PI4KA: variants seen among roughly 807,000 people sequenced by gnomAD.
PI4KA encodes PI4-kinase alpha.
A neutral mutation model predicts 271.4 loss-of-function variants in PI4KA; 122 were observed. The observed-to-expected ratio is 0.45, with a 90% CI of 0.39 to 0.52. The LOEUF is 0.52. Ranked by LOEUF, PI4KA falls within the 20% of genes least tolerant of loss-of-function variation. The pLI, the probability that PI4KA is intolerant of heterozygous loss-of-function variation, is 0.00. For missense variants in PI4KA, 1,969 were observed against 2,769.1 expected (o/e 0.71, Z 6.48); for synonymous variants, 1,041 against 1,078.8 (o/e 0.96, Z 0.69).
intron 23 of PI4KA, among the ~76,000 whole-genome samples, chr22:20,754,929 CAG>C (rs1004075900): frequency 6.6e-6 from 1 of 152,142 alleles, no homozygotes; most frequent in Admixed American, 6.6e-5. Context: ...GCCTGGGTGA[CAG>C]AGCGAGACTC....
At chr22:20,842,548 C>T (rs1376807961) in intron 1 of PI4KA, among the ~76,000 whole-genome samples, 1 of 152,206 alleles carries the variant, frequency 6.6e-6, no homozygotes, top group Non-Finnish European at 1.5e-5. Flanking sequence ...CACCGTGGCT[C>T]ACACCTGTAA....
At chr22:20,840,412 G>C (rs1341502747) in intron 1 of PI4KA, among the ~76,000 whole-genome samples, 1 of 152,150 alleles carries the variant, frequency 6.6e-6, no homozygotes, top group Non-Finnish European at 1.5e-5. Flanking sequence ...AGCCTGAATT[G>C]TATCCTAATA....
chr22:20,764,186 C>A (rs1003263774), intron 22 of PI4KA, among the ~76,000 whole-genome samples: 3 of 152,192 alleles, frequency 2.0e-5, no homozygotes, highest in East Asian at 3.8e-4. Context: ...GAGGCCTCAG[C>A]ACAGTGGGTC....
At chr22:20,766,146 T>G (rs1932504618) in intron 19 of PI4KA, among the ~76,000 whole-genome samples, 1 of 152,140 alleles carries the variant, frequency 6.6e-6, no homozygotes, top group Admixed American at 6.5e-5. Flanking sequence ...AAACAATGGA[T>G]GCGAGCCAGA....
chr22:20,744,810 C>G (rs887277474), intron 29 of PI4KA, 90 bp from the exon 30 acceptor site: 8 of 1,009,960 alleles, frequency 7.9e-6, no homozygotes, highest in Non-Finnish European at 1.2e-5. Context: ...ATGAAGCAGT[C>G]ACACTCGGGT....
chr22:20,848,320 A>C (rs1926537487), intron 1 of PI4KA, among the ~76,000 whole-genome samples: 1 of 151,968 alleles, frequency 6.6e-6, no homozygotes, highest in African/African-American at 2.4e-5. Context: ...CCCTGTCAAA[A>C]CCCTAGGTGA....
chr22:20,751,602 G>A (rs1930697101), intron 26 of PI4KA, 72 bp downstream of exon 26: 1 of 1,267,592 alleles, frequency 7.9e-7, no homozygotes, highest in Non-Finnish European at 1.2e-6. Context: ...CCACAACACA[G>A]GGCGGACAGG....
At chr22:20,725,374 A>G (rs1039070126) in intron 42 of PI4KA, 1 of 264,374 alleles carries the variant, frequency 3.8e-6, no homozygotes, top group African/African-American at 2.2e-5. Flanking sequence ...CTTTATGTCC[A>G]TGGATACTGT....
At chr22:20,774,959 G>C (rs1444685679) in intron 19 of PI4KA, among the ~76,000 whole-genome samples, 3 of 152,050 alleles carry the variant, frequency 2.0e-5, no homozygotes, top group Non-Finnish European at 2.9e-5. Flanking sequence ...GGGTATACAG[G>C]AGTTGTTCTA....
intron 23 of PI4KA, among the ~76,000 whole-genome samples, chr22:20,758,319 C>T (rs753366657): frequency 1.8e-4 from 23 of 125,236 alleles, no homozygotes; most frequent in Admixed American, 6.1e-4. Context: ...CAGCTGAGAT[C>T]GTTCCACTGC....
At position 20,761,325 on chromosome 22, in the gene PI4KA, C is replaced by T. The variant is rs1333283215; in HGVS notation, c.2770G>A (p.Ala924Thr). ...QVMFCYFEDK[A>T]IQKDKSGMMQ... ...TTACCAGATTTGTCTTTCTGAATAG[C>T]TTTATCCTCAAAGTAGCAGAACATT... The change falls in exon 23 of 55, where the codon GCT becomes ACT. Residue 924 changes from alanine to threonine, a missense_variant. Ala to Thr is a moderately conservative substitution (Grantham distance 58). Around this residue, in one of 13 missense-constraint regions of PI4KA, gnomAD observed 368 missense variants for 544.3 expected, o/e 0.68. Coordinates refer to ENST00000255882, the MANE Select transcript of PI4KA (RefSeq NM_058004.4). 28 of 1,608,258 alleles carry T rather than the reference C, an allele frequency of 1.7e-5. No homozygotes were observed. The highest frequency in any genetic ancestry group is 2.4e-5 in the Non-Finnish European group (28 of 1,174,756).
intron 42 of PI4KA, 143 bp from the exon 43 acceptor site, chr22:20,721,561 G>A: frequency 1.3e-6 from 1 of 799,436 alleles, no homozygotes; most frequent in Non-Finnish European, 2.0e-6. Flanking sequence ...AGCTCTCCAG[G>A]ATTGATGTTG....
chr22:20,858,674 C>G lies in PI4KA; in HGVS notation c.52G>C (p.Gly18Arg). The change falls in exon 1 of 55, where the codon GGC becomes CGC. Residue 18 changes from glycine (G) to arginine (R), a missense_variant. Around this residue, in one of 13 missense-constraint regions of PI4KA, gnomAD observed 540 missense variants for 555.5 expected, o/e 0.97. Coordinates refer to ENST00000255882, the MANE Select transcript of PI4KA (RefSeq NM_058004.4). ...GGGGGGGGGG[G>R]CSGSGSSASR... ...GCGCTGGAGCCGGAGCCGGAGCAGC[C>G]GCCGCCGCCTCCGCCTCCGCCTCCG... The G allele has an allele frequency of 6.8e-7, 1 of 1,468,388 alleles. No homozygotes were observed. The highest frequency in any genetic ancestry group is 9.0e-7 in the Non-Finnish European group (1 of 1,116,616). 91.0% of individuals were successfully genotyped at this position (1,468,388 alleles called of 1,614,324 possible). A position where few individuals can be genotyped will look rare whatever the true frequency, so the allele number is the denominator to read the frequency against.
At chr22:20,803,663 T>C (rs551378484) in intron 12 of PI4KA, among the ~76,000 whole-genome samples, 1 of 152,336 alleles carries the variant, frequency 6.6e-6, no homozygotes, top group African/African-American at 2.4e-5. Flanking sequence ...TAGCTGGGAC[T>C]GTAGGCACAC....
In PI4KA at chr22:20,765,684, G is replaced by C; in HGVS notation, c.2338C>G (p.Arg780Gly). The C allele has an allele frequency of 6.2e-7, 1 of 1,609,026 alleles. No individual in the cohort carries two copies. Among genetic ancestry groups the C allele is most frequent in the Non-Finnish European group, 8.5e-7 (1 of 1,175,576 alleles). Residue 780 changes from arginine to glycine, a missense_variant, in exon 20 of 55, where the codon CGA (arginine) becomes GGA (glycine). Coordinates refer to ENST00000255882, the MANE Select transcript of PI4KA (RefSeq NM_058004.4). ...TTAGCTTCTTTGATGGGTGGCAGTC[G>C]TCGGGTGAGCTGATGTGCCAAGAAG... ...LIPVIAVLTRRLPPIKEAKPR... is the reference protein window; with the variant it reads ...LIPVIAVLTRGLPPIKEAKPR...
At chr22:20,819,440 G>A (rs1922302153) in intron 6 of PI4KA, among the ~76,000 whole-genome samples, 1 of 151,532 alleles carries the variant, frequency 6.6e-6, no homozygotes, top group Non-Finnish European at 1.5e-5. Context: ...TATTTTTATG[G>A]CCAGTTTATA....
At chr22:20,765,044 A>T (rs1932395170) in intron 21 of PI4KA, 56 bp downstream of exon 21, 2 of 1,584,184 alleles carry the variant, frequency 1.3e-6, no homozygotes, top group South Asian at 2.3e-5. Flanking sequence ...TGACAGTGAA[A>T]AGATCTGCCC....
chr22:20,747,181 G>A (rs1313259241), intron 29 of PI4KA, among the ~76,000 whole-genome samples: 1 of 152,188 alleles, frequency 6.6e-6, no homozygotes, highest in Admixed American at 6.5e-5. Context: ...TTCATGTGCG[G>A]TTCAGCACCT....
intron 7 of PI4KA, among the ~76,000 whole-genome samples, chr22:20,816,294 A>AT (rs1216715195): frequency 1.3e-5 from 2 of 151,750 alleles, no homozygotes; most frequent in African/African-American, 4.8e-5. Flanking sequence ...ATTCTTATTT[A>AT]TTTTTTATTT....
Sources: allele counts gnomAD v4.1 joint callset (sites outside exome capture counted in the v4.1 genomes callset), GRCh38; gene constraint gnomAD v4.1.1; regional missense constraint gnomAD v4.1.1; transcripts MANE v1.5; gene names NCBI Gene and HGNC (gene_info 2026-07-23, HGNC 2026-07-21).